MIPEP: variants seen among roughly 807,000 people sequenced by gnomAD.
MIPEP encodes mitochondrial intermediate peptidase.
A neutral mutation model predicts 90.3 loss-of-function variants in MIPEP; 79 were observed. The observed-to-expected ratio is 0.87, with a 90% confidence interval of 0.73 to 1.05. The LOEUF (loss-of-function observed/expected upper bound fraction) is 1.05. MIPEP is among the 50% of genes least tolerant of loss of function. MIPEP has a pLI of 0.00. For synonymous variants in MIPEP, 334 were observed against 315.8 expected, an observed-to-expected ratio of 1.06 and a Z score of -0.61; for missense variants, 940 against 905.6, an observed-to-expected ratio of 1.04 and a Z score of -0.49.
chr13:23,749,185 A>G (rs577696390), intron 18 of MIPEP, among the ~76,000 whole-genome samples: 5 of 152,342 alleles, frequency 3.3e-5, no homozygotes, highest in East Asian at 3.9e-4. Flanking sequence ...TAATCAAGCT[A>G]TTGCTGAACA....
chr13:23,774,784 C>CTTTTTT (rs67628137), intron 16 of MIPEP, among the ~76,000 whole-genome samples: 1 of 68,294 alleles, frequency 1.5e-5, no homozygotes, highest in Non-Finnish European at 2.5e-5. Flanking sequence ...TTTATCAGTT[C>CTTTTTT]TTTTTTTTTT....
intron 16 of MIPEP, among the ~76,000 whole-genome samples, chr13:23,787,423 AG>A (rs1952857255): frequency 6.6e-6 from 1 of 151,112 alleles, no homozygotes; most frequent in African/African-American, 2.4e-5. Context: ...AGAGAGAGAG[AG>A]AGAAGACAGA....
chr13:23,888,954 T>C lies in MIPEP; in HGVS notation c.189+178A>G, dbSNP rs113661851. ...GTAGGAGACCACTAAACCCGGCCCC[T>C]CAAAGCAGAGGTGACCTTGCCCTCA... On this transcript the variant is annotated intron_variant, in intron 1 of 18. Transcript: ENST00000382172. 1,048 of 603,108 alleles carry C rather than the reference T, an allele frequency of 1.7e-3. 13 individuals are homozygous for C. The African/African-American group carries it at 0.019, about 11-fold the overall frequency. The allele number at this position is 603,108 out of a possible 1,614,324, so 37.4% of individuals were successfully genotyped here.
intron 14 of MIPEP, among the ~76,000 whole-genome samples, chr13:23,832,044 A>ACC (rs1868795584): frequency 1.3e-5 from 2 of 152,250 alleles, no homozygotes; most frequent in East Asian, 3.9e-4. Context: ...CCCATGTTGA[A>ACC]ATTTAAGCCC....
chr13:23,883,550 T>C (rs1168610278), intron 2 of MIPEP, among the ~76,000 whole-genome samples: 1 of 152,172 alleles, frequency 6.6e-6, no homozygotes, highest in Non-Finnish European at 1.5e-5. Flanking sequence ...ATACATCAAA[T>C]CATATCTAGA....
At chr13:23,836,142 T>G in intron 14 of MIPEP, 98 bp downstream of exon 14, 1 of 640,668 alleles carries the variant, frequency 1.6e-6, no homozygotes, top group Non-Finnish European at 2.6e-6. Flanking sequence ...TAACAGAGGG[T>G]GAGTTCTGAA....
Position 23,762,057 on chromosome 13 carries a change from G to A in MIPEP, c.1849-1840C>T, listed in dbSNP as rs151239267. Among the ~76,000 whole-genome samples, 1,433 of 152,148 alleles carry A rather than the reference G, an allele frequency of 9.4e-3. 25 individuals are homozygous for A. The highest frequency in any genetic ancestry group is 0.033 in the African/African-American group (1,362 of 41,502). ...GGAGAACTGCTTGAACCCGGGAGGC[G>A]GAGGTTGTAGTGAGCTAAGATCGCA... On this transcript the variant is annotated intron_variant, in intron 16 of 18. Transcript: ENST00000382172.
At chr13:23,802,162 T>C (rs1229403306) in intron 16 of MIPEP, among the ~76,000 whole-genome samples, 1 of 152,206 alleles carries the variant, frequency 6.6e-6, no homozygotes, top group Non-Finnish European at 1.5e-5. Flanking sequence ...GATAGTAAAA[T>C]ATTTTAGGAG....
At chr13:23,758,237 C>T (rs1457000659) in intron 17 of MIPEP, among the ~76,000 whole-genome samples, 1 of 152,170 alleles carries the variant, frequency 6.6e-6, no homozygotes, top group East Asian at 1.9e-4. Flanking sequence ...TCAAATCCCT[C>T]CCCACAGGCC....
intron 11 of MIPEP, among the ~76,000 whole-genome samples, chr13:23,840,939 C>T (rs532074669): frequency 1.3e-5 from 2 of 152,082 alleles, no homozygotes; most frequent in African/African-American, 2.4e-5. Flanking sequence ...AAATATAAGC[C>T]CCTACAACAT....
At chr13:23,776,690 T>A (rs1952720809) in intron 16 of MIPEP, among the ~76,000 whole-genome samples, 1 of 152,196 alleles carries the variant, frequency 6.6e-6, no homozygotes, top group Non-Finnish European at 1.5e-5. Flanking sequence ...GGTTTTATGG[T>A]TGACTTGGGA....
At chr13:23,822,483 T>C (rs550449381) in intron 14 of MIPEP, among the ~76,000 whole-genome samples, 9 of 152,346 alleles carry the variant, frequency 5.9e-5, no homozygotes, top group African/African-American at 2.2e-4. Flanking sequence ...ATTTAGCTAA[T>C]TGATTCATCC....
intron 18 of MIPEP, among the ~76,000 whole-genome samples, chr13:23,737,540 C>G (rs1952279098): frequency 6.6e-6 from 1 of 152,146 alleles, no homozygotes. Context: ...ATCCTGTCAG[C>G]TCCAGGATGA....
At chr13:23,876,829 T>C (rs1871093817) in intron 4 of MIPEP, among the ~76,000 whole-genome samples, 1 of 152,178 alleles carries the variant, frequency 6.6e-6, no homozygotes, top group Non-Finnish European at 1.5e-5. Flanking sequence ...TTACCAGTAG[T>C]TTTATAATTT....
chr13:23,777,108 G>A (rs1952727144), intron 16 of MIPEP, among the ~76,000 whole-genome samples: 1 of 152,224 alleles, frequency 6.6e-6, no homozygotes, highest in African/African-American at 2.4e-5. Flanking sequence ...AGGTGAAAAT[G>A]CTTAAGATGG....
chr13:23,760,266 T>C (rs1386878215), intron 16 of MIPEP, 49 bp from the exon 17 acceptor site: 2 of 1,612,756 alleles, frequency 1.2e-6, no homozygotes, highest in Admixed American at 3.3e-5. Flanking sequence ...AGTTTCCACT[T>C]GGAGAATATC....
chr13:23,763,876 T>A (rs1177135010), intron 16 of MIPEP, among the ~76,000 whole-genome samples: 1 of 152,202 alleles, frequency 6.6e-6, no homozygotes, highest in African/African-American at 2.4e-5. Flanking sequence ...GGTTTGCAAG[T>A]CTGTGGCTAA....
Position 23,889,170 on chromosome 13 carries a change from G to T in MIPEP, c.151C>A (p.Pro51Thr), listed in dbSNP as rs1398016105. 1 of 1,467,024 alleles carries T rather than the reference G, an allele frequency of 6.8e-7. No homozygotes were observed. The highest frequency in any genetic ancestry group is 9.0e-7 in the Non-Finnish European group (1 of 1,110,914). The allele number at this position is 1,467,024 out of a possible 1,614,324, so 90.9% of individuals were successfully genotyped here. A position where few individuals can be genotyped will look rare whatever the true frequency, so the allele number is the denominator to read the frequency against. Residue 51 changes from proline to threonine, a missense_variant, in exon 1 of 19, where the codon CCC (proline) becomes ACC (threonine). By Grantham distance (38) the Pro-to-Thr change is conservative. Coordinates refer to ENST00000382172, the MANE Select transcript of MIPEP (RefSeq NM_005932.4). ...SPVGAAFNVK[P>T]QGSRLDLFGE... Reference sequence around the variant, plus strand: ...AACAGGTCCAAGCGGCTGCCCTGGGGCTTGACATTGAAGGCGGCGCCCACG... The same window carrying T: ...AACAGGTCCAAGCGGCTGCCCTGGGTCTTGACATTGAAGGCGGCGCCCACG...
intron 9 of MIPEP, among the ~76,000 whole-genome samples, chr13:23,860,582 G>A (rs1368652826): frequency 6.6e-6 from 1 of 152,160 alleles, no homozygotes; most frequent in Non-Finnish European, 1.5e-5. Flanking sequence ...AGGGAAACTG[G>A]AGAATAACCA....
Sources: gnomAD v4.1 joint callset for allele counts (sites outside exome capture counted in the v4.1 genomes callset) on GRCh38, gnomAD v4.1.1 for gene constraint, MANE v1.5 for transcripts, NCBI Gene and HGNC (gene_info 2026-07-23, HGNC 2026-07-21) for gene names.